The following SEC61B variants were observed in gnomAD, a reference collection of about 807,000 sequenced individuals.
The protein encoded by SEC61B is protein transport protein Sec61 subunit beta.
A neutral mutation model predicts 12.6 loss-of-function variants in SEC61B; 7 were observed. That is an observed-to-expected ratio of 0.55 (90% CI 0.32 to 1.04). SEC61B has a LOEUF of 1.04. SEC61B is among the 50% of genes least tolerant of loss of function. The probability of loss-of-function intolerance (pLI) is 0.05; values close to 1 mark genes in which losing one functional copy is unlikely to be tolerated. For missense variants in SEC61B, 107 were observed against 130.1 expected (o/e 0.82, Z 0.86); for synonymous variants, 54 against 50.1 (o/e 1.08, Z -0.33).
intron 2 of SEC61B, among the ~76,000 whole-genome samples, chr9:99,225,601 A>G (rs923349785): frequency 2.0e-5 from 3 of 152,216 alleles, no homozygotes; most frequent in African/African-American, 7.2e-5. Flanking sequence ...GGCCAGAAAG[A>G]AAGGGTAAAA....
chr9:99,226,704 C>T (rs941092431), intron 2 of SEC61B, among the ~76,000 whole-genome samples: 5 of 152,138 alleles, frequency 3.3e-5, no homozygotes, highest in African/African-American at 4.8e-5. Context: ...GGAAGTACTG[C>T]AGGGAAGGGT....
chr9:99,222,634 T>G lies in SEC61B; in HGVS notation c.92T>G (p.Val31Gly). The stretch of plus-strand genomic sequence containing the variant: ...GCCGCCCGGGCGGCGGGATCCACTG[T>G]CCGGCAGAGGTAAGGAACCCTGCAG... ...AVAARAAGST[V>G]RQRKNASCGT... Residue 31 changes from valine (V) to glycine (G), a missense_variant, in exon 2 of 4, where the codon GTC (valine) becomes GGC (glycine). By Grantham distance (109) the Val-to-Gly change is moderately radical. Transcript: ENST00000223641. 6.5e-7 allele frequency: 1 copy of G among 1,545,320 alleles called. No homozygotes were observed. Among genetic ancestry groups the G allele is most frequent in the African/African-American group, 1.4e-5 (1 of 73,010 alleles).
chr9:99,229,302 G>C (rs1828933067), intron 3 of SEC61B, among the ~76,000 whole-genome samples: 2 of 152,104 alleles, frequency 1.3e-5, no homozygotes, highest in African/African-American at 4.8e-5. Context: ...TTTGGTGGAG[G>C]TAGTTTGAGT....
intron 2 of SEC61B, 74 bp downstream of exon 2, chr9:99,222,717 G>A: frequency 9.4e-7 from 1 of 1,067,386 alleles, no homozygotes. Flanking sequence ...CTGGGGTGGA[G>A]ACCCTAGCAT....
chr9:99,225,188 G>A (rs1468610440), intron 2 of SEC61B, among the ~76,000 whole-genome samples: 1 of 152,204 alleles, frequency 6.6e-6, no homozygotes, highest in Non-Finnish European at 1.5e-5. Flanking sequence ...AACAAGGTAG[G>A]CAAGGTTTGT....
intron 2 of SEC61B, 107 bp from the exon 3 acceptor site, chr9:99,227,792 G>GTTT: frequency 3.2e-5 from 21 of 652,864 alleles, no homozygotes; most frequent in Non-Finnish European, 3.5e-5. Context: ...AGCAAAGAAA[G>GTTT]TTTTTTTTTT....
At chr9:99,222,969 A>G (rs1828849262) in intron 2 of SEC61B, 3 of 251,586 alleles carry the variant, frequency 1.2e-5, no homozygotes, top group Non-Finnish European at 2.3e-5. Flanking sequence ...CCCCATAAGC[A>G]ATCTGTCCTA....
chr9:99,228,687 C>T lies in SEC61B; in HGVS notation c.203+687C>T, dbSNP rs549811572. ...CCTACAACTGTTTCCTGACTAAACT[C>T]GGTGGATGAGGATTCGAAATAATAA... is the stretch of plus-strand genomic sequence containing the variant. On this transcript the variant is annotated intron_variant, in intron 3 of 3. Transcript: ENST00000223641. 3.3e-5 allele frequency among the ~76,000 whole-genome samples: 5 copies of T among 152,326 alleles called. No individual in the cohort carries two copies. In the South Asian group the frequency reaches 6.2e-4, roughly 19 times the overall value.
intron 2 of SEC61B, 76 bp downstream of exon 2, chr9:99,222,719 C>A (rs1171731843): frequency 1.9e-6 from 2 of 1,043,710 alleles, no homozygotes; most frequent in Non-Finnish European, 1.4e-6. Flanking sequence ...GGGGTGGAGA[C>A]CCTAGCATGT....
intron 3 of SEC61B, among the ~76,000 whole-genome samples, chr9:99,229,785 G>C (rs1435909029): frequency 6.6e-6 from 1 of 152,174 alleles, no homozygotes; most frequent in Non-Finnish European, 1.5e-5. Flanking sequence ...AATCATATCA[G>C]GGTGTGTGGG....
At chr9:99,223,031 A>G (rs1296947632) in intron 2 of SEC61B, 2 of 169,288 alleles carry the variant, frequency 1.2e-5, no homozygotes, top group Non-Finnish European at 2.5e-5. Flanking sequence ...CAGCTCTCTC[A>G]CTCTCAATTA....
chr9:99,224,457 G>A (rs990698061), intron 2 of SEC61B, among the ~76,000 whole-genome samples: 1 of 152,150 alleles, frequency 6.6e-6, no homozygotes, highest in Non-Finnish European at 1.5e-5. Context: ...TGGTAATACT[G>A]TGGCAGGGAA....
chr9:99,223,027 TCTCA>T (rs2119013233), intron 2 of SEC61B: 1 of 173,046 alleles, frequency 5.8e-6, no homozygotes, highest in Non-Finnish European at 1.2e-5. Context: ...AGCTCAGCTC[TCTCA>T]CTCTCAATTA....
intron 3 of SEC61B, among the ~76,000 whole-genome samples, chr9:99,228,847 A>C (rs1310223462): frequency 1.3e-5 from 2 of 152,234 alleles, no homozygotes. Context: ...AGGTTCAAAG[A>C]GGCAAAGTGA....
chr9:99,222,678 C>CGGAG (rs1280380923), intron 2 of SEC61B, 35 bp downstream of exon 2: 1 of 1,403,300 alleles, frequency 7.1e-7, no homozygotes, highest in Non-Finnish European at 9.6e-7. Flanking sequence ...CTTCCAGACT[C>CGGAG]GGAGATAGGA....
chr9:99,223,391 C>G (rs930404410), intron 2 of SEC61B, among the ~76,000 whole-genome samples: 4 of 148,740 alleles, frequency 2.7e-5, no homozygotes, highest in African/African-American at 9.8e-5. Flanking sequence ...CCTAACCTTT[C>G]TTTTTCCTTT....
At chr9:99,223,898 G>C (rs1828866573) in intron 2 of SEC61B, among the ~76,000 whole-genome samples, 1 of 152,148 alleles carries the variant, frequency 6.6e-6, no homozygotes, top group South Asian at 2.1e-4. Flanking sequence ...ATAGCATTTT[G>C]TTCATATCAT....
intron 2 of SEC61B, among the ~76,000 whole-genome samples, chr9:99,227,108 A>G (rs186386524): frequency 6.6e-6 from 1 of 152,002 alleles, no homozygotes; most frequent in African/African-American, 2.4e-5. Context: ...TCTACTAAAA[A>G]TACAAAAATT....
intron 3 of SEC61B, 117 bp from the exon 4 acceptor site, chr9:99,230,220 A>G: frequency 3.5e-6 from 2 of 577,692 alleles, no homozygotes; most frequent in South Asian, 5.3e-5. Context: ...ATGTTTCTGG[A>G]TGAACCTTGA....
Sources: allele counts gnomAD v4.1 joint callset (sites outside exome capture counted in the v4.1 genomes callset), GRCh38; gene constraint gnomAD v4.1.1; transcripts MANE v1.5; gene names NCBI Gene and HGNC (gene_info 2026-07-23, HGNC 2026-07-21).